The following PLXND1 variants were observed in gnomAD, a reference collection of about 807,000 sequenced individuals.
PLXND1 encodes the protein plexin-D1.
A neutral mutation model predicts 197.7 loss-of-function variants in PLXND1; 54 were observed. The observed-to-expected ratio is 0.27, with a 90% CI of 0.22 to 0.34. PLXND1 has a LOEUF of 0.34. Ranked by LOEUF, PLXND1 falls within the 10% of genes least tolerant of loss-of-function variation. The probability of loss-of-function intolerance (pLI) is 1.00; values close to 1 mark genes in which losing one functional copy is unlikely to be tolerated. For missense variants in PLXND1, 2,127 were observed against 2,699.2 expected (o/e 0.79, Z 4.70); for synonymous variants, 1,180 against 1,161.2 (o/e 1.02, Z -0.33).
chr3:129,584,986 C>T (rs1165448112), intron 5 of PLXND1, among the ~76,000 whole-genome samples: 1 of 152,164 alleles, frequency 6.6e-6, no homozygotes, highest in Non-Finnish European at 1.5e-5. Context: ...ACCCGCTCCC[C>T]ACCCCTGTTC....
At chr3:129,589,593 T>C in intron 1 of PLXND1, 66 bp from the exon 2 acceptor site, 3 of 1,350,070 alleles carry the variant, frequency 2.2e-6, no homozygotes, top group Non-Finnish European at 3.0e-6. Context: ...CCCGCACAGC[T>C]GGCTGGGATC....
At chr3:129,567,883 T>A in intron 20 of PLXND1, 78 bp from the exon 21 acceptor site, 1 of 683,494 alleles carries the variant, frequency 1.5e-6, no homozygotes, top group Non-Finnish European at 2.4e-6. Context: ...TATTCTGGCC[T>A]CCGCTCCAGC....
intron 2 of PLXND1, among the ~76,000 whole-genome samples, chr3:129,588,516 C>T (rs1259662684): frequency 6.6e-6 from 1 of 152,244 alleles, no homozygotes; most frequent in Non-Finnish European, 1.5e-5. Context: ...ACGAGCCCCA[C>T]ATTTTTCCTC....
intron 1 of PLXND1, among the ~76,000 whole-genome samples, chr3:129,603,372 G>T (rs867517642): frequency 1.3e-4 from 20 of 152,310 alleles, no homozygotes; most frequent in South Asian, 6.2e-4. Context: ...CTTGCCAGAG[G>T]GGGAGGGAAC....
rs754065956 is a variant in PLXND1, at chr3:129,571,617, A to G, written c.3246-18T>C. On this transcript the variant is annotated intron_variant, in intron 16 of 35. Coordinates refer to ENST00000324093, the MANE Select transcript of PLXND1 (RefSeq NM_015103.3). The stretch of plus-strand genomic sequence containing the variant: ...TGCCGCCACTGCGGGGGACAGCAAA[A>G]CCTATCAGTGCACCTGCAGCCCCAG... The G allele has an allele frequency of 1.2e-6, 2 of 1,613,760 alleles. No individual in the cohort carries two copies. The highest frequency in any genetic ancestry group is 4.5e-5 in the East Asian group (2 of 44,874).
At chr3:129,571,389 G>C in intron 17 of PLXND1, 86 bp from the exon 18 acceptor site, 15 of 1,544,208 alleles carry the variant, frequency 9.7e-6, no homozygotes, top group Non-Finnish European at 1.3e-5. Context: ...GGTTTGAGGA[G>C]ACACAGAGGC....
rs976468034 is a variant in PLXND1 at position 129,565,232 on chromosome 3, G to A, written c.4521+108C>T. 4.6e-6 allele frequency: 4 copies of A among 866,022 alleles called. No individual in the cohort carries two copies. The African/African-American group carries it at 6.6e-5, about 14-fold the overall frequency. The allele number at this position is 866,022 out of a possible 1,614,324, so 53.6% of individuals were successfully genotyped here. A position where few individuals can be genotyped will look rare whatever the true frequency, so the allele number is the denominator to read the frequency against. On this transcript the variant is annotated intron_variant, in intron 25 of 35. Transcript: ENST00000324093. Reference sequence around the variant, plus strand: ...TCTCATGCAACACTCCCTCCTGGCAGAGCTGGCCTGAGGGTGCCAGGGAAG... The same window carrying A: ...TCTCATGCAACACTCCCTCCTGGCAAAGCTGGCCTGAGGGTGCCAGGGAAG...
At chr3:129,574,567 A>G in intron 11 of PLXND1, 77 bp from the exon 12 acceptor site, 1 of 1,428,000 alleles carries the variant, frequency 7.0e-7, no homozygotes, top group Non-Finnish European at 9.6e-7. Flanking sequence ...TCCACACACA[A>G]CAACTGTCAA....
chr3:129,560,284 G>C lies in PLXND1; in HGVS notation c.5133+46C>G, dbSNP rs376001049. The C allele has an allele frequency of 2.4e-6, 3 of 1,230,282 alleles. No individual in the cohort carries two copies. In the African/African-American group the frequency reaches 4.4e-5, roughly 18 times the overall value. The allele number at this position is 1,230,282 out of a possible 1,614,324, so 76.2% of individuals were successfully genotyped here. On this transcript the variant is annotated intron_variant, in intron 31 of 35. Coordinates refer to ENST00000324093, the MANE Select transcript of PLXND1 (RefSeq NM_015103.3). Reference sequence around the variant, plus strand: ...CAATGACCCTCTGGAGCTGGGGCTGGAGCCTTGTACCCACTGCACAGAGGG... The same window carrying C: ...CAATGACCCTCTGGAGCTGGGGCTGCAGCCTTGTACCCACTGCACAGAGGG...
Position 129,606,115 on chromosome 3 carries a change from C to T in PLXND1, c.525G>A (p.Val175=). The T allele has an allele frequency of 6.5e-7, 1 of 1,538,560 alleles. No homozygotes were observed. Among genetic ancestry groups the T allele is most frequent in the Non-Finnish European group, 8.7e-7 (1 of 1,149,632 alleles). The change falls in exon 1 of 36, where the codon GTG becomes GTA. Residue 175 remains valine, a synonymous_variant. Transcript: ENST00000324093. ...PAAPPAEPVT[V]FPSMLNVAAN... is the part of the protein sequence containing the mutation. ...CCGCCACGTTCAGCATGCTGGGGAA[C>T]ACCGTGACGGGCTCGGCGGGCGGCG...
rs1373738613 is a variant in PLXND1 at position 129,567,820 on chromosome 3, G to A, written c.3866-15C>T. On this transcript the variant is annotated splice_polypyrimidine_tract_variant and intron_variant, in intron 20 of 35. Transcript: ENST00000324093. ...GACGAACAGGGCTGCGGGCAGTGGA[G>A]AGGCAGGTCAGGCCTCTGGTGCCCT... The A allele has an allele frequency of 1.3e-6, 2 of 1,547,294 alleles. No individual in the cohort carries two copies. The highest frequency in any genetic ancestry group is 1.8e-6 in the Non-Finnish European group (2 of 1,122,364).
chr3:129,581,415 T>G (rs770282554), intron 8 of PLXND1, among the ~76,000 whole-genome samples: 1 of 152,142 alleles, frequency 6.6e-6, no homozygotes, highest in Admixed American at 6.5e-5. Flanking sequence ...TCCCAGCTGG[T>G]GAGCTCCTAT....
intron 19 of PLXND1, among the ~76,000 whole-genome samples, chr3:129,570,248 G>A (rs540628721): frequency 3.3e-5 from 5 of 152,256 alleles, no homozygotes; most frequent in Admixed American, 6.5e-5. Context: ...AGCAGTTCAC[G>A]GGGCCTGGCT....
intron 9 of PLXND1, among the ~76,000 whole-genome samples, chr3:129,578,006 AG>A (rs1176531077): frequency 6.6e-6 from 1 of 152,146 alleles, no homozygotes; most frequent in Non-Finnish European, 1.5e-5. Context: ...AGGACAGGAT[AG>A]GGCAGCGTCC....
rs781477149 is a variant in PLXND1 at position 129,572,695 on chromosome 3, G to T, written c.2991C>A (p.Thr997=). The change falls in exon 15 of 36, where the codon ACC becomes ACA. Residue 997 remains threonine (T), a synonymous_variant. Transcript: ENST00000324093. ...GGTCATTCCCATGGATGGTGATCCTGGTGCCCCCGGCCTTGGGGCCCATGG... is the reference window on the plus strand; with the variant it reads ...GGTCATTCCCATGGATGGTGATCCTTGTGCCCCCGGCCTTGGGGCCCATGG... ...EPTMGPKAGG[T]RITIHGNDLH... is the part of the protein sequence containing the mutation. 1 of 1,604,420 alleles carries T rather than the reference G, an allele frequency of 6.2e-7. No homozygotes were observed. Among genetic ancestry groups the T allele is most frequent in the East Asian group, 2.2e-5 (1 of 44,790 alleles).
intron 1 of PLXND1, among the ~76,000 whole-genome samples, chr3:129,594,452 C>A (rs972180939): frequency 6.6e-6 from 1 of 152,116 alleles, no homozygotes; most frequent in Non-Finnish European, 1.5e-5. Context: ...CCACCGCACT[C>A]CAGTCTGGGT....
chr3:129,563,882 A>C (rs1362408882), intron 25 of PLXND1, among the ~76,000 whole-genome samples: 1 of 152,266 alleles, frequency 6.6e-6, no homozygotes, highest in East Asian at 1.9e-4. Context: ...TGATTTAAAG[A>C]AAAATTAAGT....
rs2085324134 is a variant in PLXND1, at chr3:129,577,094, G to A, written c.2346+1235C>T. On this transcript the variant is annotated intron_variant, in intron 9 of 35. Coordinates refer to ENST00000324093, the MANE Select transcript of PLXND1 (RefSeq NM_015103.3). The surrounding 1 kb of genome is among the most constrained non-coding windows in gnomAD (Gnocchi z 5.0). ...AAAGTGGCTGCTGACGGGGCCAAAA[G>A]CCCGTTTTGTCCCCTGCCATGCTGA... Among the ~76,000 whole-genome samples, 1 of 152,152 alleles carries A rather than the reference G, an allele frequency of 6.6e-6. No homozygotes were observed. Among genetic ancestry groups the A allele is most frequent in the African/African-American group, 2.4e-5 (1 of 41,436 alleles).
intron 29 of PLXND1, 57 bp downstream of exon 29, chr3:129,561,589 A>G: frequency 7.7e-7 from 1 of 1,304,330 alleles, no homozygotes; most frequent in Admixed American, 1.8e-5. Context: ...GGGGCATGGG[A>G]TGGAAGCCCC....
Sources: allele counts gnomAD v4.1 joint callset (sites outside exome capture counted in the v4.1 genomes callset), GRCh38; gene constraint gnomAD v4.1.1; non-coding constraint Gnocchi (gnomAD v3.1); transcripts MANE v1.5; gene names NCBI Gene and HGNC (gene_info 2026-07-23, HGNC 2026-07-21).